JUN: variants seen among roughly 807,000 people sequenced by gnomAD.
JUN encodes transcription factor Jun.
In JUN, 7 loss-of-function variants were observed where a neutral mutation model predicts 19.7. That is an observed-to-expected ratio of 0.36 (90% CI 0.20 to 0.67). JUN has a LOEUF of 0.67. JUN is among the 30% of genes least tolerant of loss of function. The probability of loss-of-function intolerance (pLI) is 0.64; values close to 1 mark genes in which losing one functional copy is unlikely to be tolerated. For synonymous variants in JUN, 246 were observed against 206.9 expected, an observed-to-expected ratio of 1.19 and a Z score of -1.62; for missense variants, 373 against 451.0, an observed-to-expected ratio of 0.83 and a Z score of 1.57.
In JUN at chr1:58,783,164, C is replaced by A. The variant is rs1462249434; in HGVS notation, c.-94G>T. 8.6e-6 allele frequency: 13 copies of A among 1,511,716 alleles called. No homozygotes were observed. Among genetic ancestry groups the A allele is most frequent in the South Asian group, 2.6e-5 (2 of 75,622 alleles). 93.6% of individuals were successfully genotyped at this position (1,511,716 alleles called of 1,614,324 possible). A position where few individuals can be genotyped will look rare whatever the true frequency, so the allele number is the denominator to read the frequency against. The stretch of plus-strand genomic sequence containing the variant: ...CTGTGGCAAGCGGGGGACACCCGCG[C>A]CCCCCGGAGCCTTTGACAGGGAAAG... On this transcript the variant is annotated 5_prime_UTR_variant, in exon 1 of 1. Transcript: ENST00000371222.
In JUN at chr1:58,782,177, G is replaced by A; in HGVS notation, c.894C>T (p.Ala298=). ...GTGCCACCTGTTCCCTGAGCATGTT[G>A]GCCGTGGACGCCAGCTCCGAGTTCT... The part of the protein sequence containing the change: ...KAQNSELAST[A]NMLREQVAQL... The change falls in exon 1 of 1, where the codon GCC becomes GCT. Residue 298 remains alanine, a synonymous_variant. Transcript: ENST00000371222. The surrounding 1 kb of genome is among the most constrained non-coding windows in gnomAD (Gnocchi z 8.7). 1.9e-6 allele frequency: 3 copies of A among 1,614,238 alleles called. No individual in the cohort carries two copies. The highest frequency in any genetic ancestry group is 2.5e-6 in the Non-Finnish European group (3 of 1,180,044).
chr1:58,782,513 C>A lies in JUN; in HGVS notation c.558G>T (p.Gly186=), dbSNP rs1471035446. ...FNPGALSSGG[G]APSYGAAGLA... The stretch of plus-strand genomic sequence containing the variant: ...GGCCGGCCGCGCCGTAGGAGGGCGC[C>A]CCGCCGCCGCTGCTCAGCGCGCCTG... Residue 186 remains glycine (G), a synonymous_variant, in exon 1 of 1, where the codon GGG becomes GGT. Transcript: ENST00000371222. The surrounding 1 kb of genome is among the most constrained non-coding windows in gnomAD (Gnocchi z 8.7). The A allele has an allele frequency of 6.4e-7, 1 of 1,570,980 alleles. No homozygotes were observed. Among genetic ancestry groups the A allele is most frequent in the Admixed American group, 1.8e-5 (1 of 54,602 alleles).
rs758352138 is a variant in JUN at position 58,782,033 on chromosome 1, A to AT, written c.*41dup. On this transcript the variant is annotated 3_prime_UTR_variant, in exon 1 of 1. Transcript: ENST00000371222. This position sits in a 1 kb window ranked among gnomAD's most constrained non-coding sequence, Gnocchi z 8.7. ...GTTCTCAAGTCTGTCTCTCTGTGTT[A>AT]TTTTTTTTCTTCGTTGCCCCTCAGC... The AT allele has an allele frequency of 4.3e-5, 63 of 1,469,626 alleles. No homozygotes were observed. In the Middle Eastern group the frequency reaches 5.2e-4, roughly 12 times the overall value. The allele number at this position is 1,469,626 out of a possible 1,614,324, so 91.0% of individuals were successfully genotyped here.
rs2100737615 is a variant in JUN, at chr1:58,781,063, C to T, written c.*1012G>A. 1 of 233,224 alleles carries T rather than the reference C, an allele frequency of 4.3e-6. No individual in the cohort carries two copies. Among genetic ancestry groups the T allele is most frequent in the Non-Finnish European group, 8.5e-6 (1 of 118,032 alleles). The allele number at this position is 233,224 out of a possible 1,614,324, so 14.4% of individuals were successfully genotyped here. On this transcript the variant is annotated 3_prime_UTR_variant, in exon 1 of 1. Coordinates refer to ENST00000371222, the MANE Select transcript of JUN (RefSeq NM_002228.4). ...GGGCTGTCCCTCTCCACTGCAACCC[C>T]CCTTCCTCCAGCCTCCTGAAACATC...
At position 58,783,287 on chromosome 1, in the gene JUN, G is replaced by A. The variant is rs568936020; in HGVS notation, c.-217C>T. ...CGCAGGGTTAATTAAGATGCCTCCCGCACTCTTACTTGTCGACTCGCGCGC... is the reference window on the plus strand; with the variant it reads ...CGCAGGGTTAATTAAGATGCCTCCCACACTCTTACTTGTCGACTCGCGCGC... On this transcript the variant is annotated 5_prime_UTR_variant, in exon 1 of 1. Coordinates refer to ENST00000371222, the MANE Select transcript of JUN (RefSeq NM_002228.4). 8.2e-6 allele frequency: 5 copies of A among 607,950 alleles called. No individual in the cohort carries two copies. The highest frequency in any genetic ancestry group is 4.8e-4 in the Middle Eastern group (1 of 2,100). 37.7% of individuals were successfully genotyped at this position (607,950 alleles called of 1,614,324 possible).
Position 58,782,324 on chromosome 1 carries a change from G to A in JUN, c.747C>T (p.Ser249=), listed in dbSNP as rs143833620. The stretch of plus-strand genomic sequence containing the variant: ...TCCTCTCCGCCTTGATCCGCTCCTG[G>A]GACTCCATGTCGATGGGGGACAGGG... The part of the protein sequence containing the change: ...TPPLSPIDME[S]QERIKAERKR... The change falls in exon 1 of 1, where the codon TCC becomes TCT. Residue 249 remains serine, a synonymous_variant. Transcript: ENST00000371222. This position sits in a 1 kb window ranked among gnomAD's most constrained non-coding sequence, Gnocchi z 8.7. The A allele has an allele frequency of 7.4e-6, 12 of 1,614,114 alleles. No individual in the cohort carries two copies. The African/African-American group carries it at 1.3e-4, about 18-fold the overall frequency.
Position 58,782,246 on chromosome 1 carries a change from C to G in JUN, c.825G>C (p.Glu275Asp). Residue 275 changes from glutamate (E) to aspartate (D), a missense_variant, in exon 1 of 1, where the codon GAG (glutamate) becomes GAC (aspartate). By Grantham distance (45) the Glu-to-Asp change is conservative. This residue lies in a region of JUN where 83 missense variants were observed against 143.0 expected (regional missense o/e 0.58). Transcript: ENST00000371222. The surrounding 1 kb of genome is among the most constrained non-coding windows in gnomAD (Gnocchi z 8.7). Reference sequence around the variant, plus strand: ...CTTTTTCCTCCAGCCGGGCGATTCTCTCCAGCTTCCTTTTTCGGCACTTGG... The same window carrying G: ...CTTTTTCCTCCAGCCGGGCGATTCTGTCCAGCTTCCTTTTTCGGCACTTGG... ...AASKCRKRKL[E>D]RIARLEEKVK... 1 of 1,614,262 alleles carries G rather than the reference C, an allele frequency of 6.2e-7. No homozygotes were observed. The highest frequency in any genetic ancestry group is 8.5e-7 in the Non-Finnish European group (1 of 1,180,038).
Position 58,782,103 on chromosome 1 carries a change from A to T in JUN, c.968T>A (p.Met323Lys). The T allele has an allele frequency of 1.2e-6, 2 of 1,613,434 alleles. No individual in the cohort carries two copies. The highest frequency in any genetic ancestry group is 1.7e-6 in the Non-Finnish European group (2 of 1,179,426). Residue 323 changes from methionine (M) to lysine (K), a missense_variant, in exon 1 of 1, where the codon ATG becomes AAG. Met to Lys is a moderately conservative substitution (Grantham distance 95). This residue lies in a region of JUN where 83 missense variants were observed against 143.0 expected (regional missense o/e 0.58). Transcript: ENST00000371222. This position sits in a 1 kb window ranked among gnomAD's most constrained non-coding sequence, Gnocchi z 8.7. ...AAATGTTTGCAACTGCTGCGTTAGCATGAGTTGGCACCCACTGTTAACGTG... is the reference window on the plus strand; with the variant it reads ...AAATGTTTGCAACTGCTGCGTTAGCTTGAGTTGGCACCCACTGTTAACGTG... Reference protein sequence around the residue: ...MNHVNSGCQLMLTQQLQTF With the variant: ...MNHVNSGCQLKLTQQLQTF
rs2100739005 is a variant in JUN at position 58,782,404 on chromosome 1, G to A, written c.667C>T (p.Gln223Ter). The A allele has an allele frequency of 6.2e-7, 1 of 1,610,432 alleles. No homozygotes were observed. Among genetic ancestry groups the A allele is most frequent in the Non-Finnish European group, 8.5e-7 (1 of 1,178,174 alleles). ...GTCTGAGGCTCCTCCTTCAGGGCCT[G>A]CAGCCGCGGGTGCTGCACGGGCATC... ...QQMPVQHPRL[Q>*]ALKEEPQTVP... Residue 223 changes from glutamine to a stop codon, truncating the protein, a stop_gained, in exon 1 of 1, where the codon CAG becomes TAG. Coordinates refer to ENST00000371222, the MANE Select transcript of JUN (RefSeq NM_002228.4). LOFTEE classifies it high-confidence loss of function. The surrounding 1 kb of genome is among the most constrained non-coding windows in gnomAD (Gnocchi z 8.7).
Position 58,782,477 on chromosome 1 carries a change from G to A in JUN, c.594C>T (p.Pro198=), listed in dbSNP as rs528518038. The A allele has an allele frequency of 3.8e-6, 6 of 1,585,832 alleles. No individual in the cohort carries two copies. The African/African-American group carries it at 6.7e-5, about 18-fold the overall frequency. ...PSYGAAGLAF[P]AQPQQQQQPP... ...GCTGCTGCTGCTGCTGGGGTTGCGC[G>A]GGAAAGGCCAGGCCGGCCGCGCCGT... The change falls in exon 1 of 1, where the codon CCC becomes CCT. Residue 198 remains proline (P), a synonymous_variant. Coordinates refer to ENST00000371222, the MANE Select transcript of JUN (RefSeq NM_002228.4). The surrounding 1 kb of genome is among the most constrained non-coding windows in gnomAD (Gnocchi z 8.7).
Position 58,781,847 on chromosome 1 carries a change from C to A in JUN, c.*228G>T, listed in dbSNP as rs4647015. 363 of 559,350 alleles carry A rather than the reference C, an allele frequency of 6.5e-4. No homozygotes were observed. In the African/African-American group the frequency reaches 6.5e-3, roughly 10 times the overall value. The allele number at this position is 559,350 out of a possible 1,614,324, so 34.6% of individuals were successfully genotyped here. On this transcript the variant is annotated 3_prime_UTR_variant, in exon 1 of 1. Coordinates refer to ENST00000371222, the MANE Select transcript of JUN (RefSeq NM_002228.4). ...AGCCCGTCCGCAAAGCGGGGCAGCCCGCAGGCGGCCGCTCCCTGGCTCCAC... is the reference window on the plus strand; with the variant it reads ...AGCCCGTCCGCAAAGCGGGGCAGCCAGCAGGCGGCCGCTCCCTGGCTCCAC...
chr1:58,783,265 A>G lies in JUN; in HGVS notation c.-195T>C. ...CTCACCAGCTCGCTCCAGGGAGCGC[A>G]GGGTTAATTAAGATGCCTCCCGCAC... On this transcript the variant is annotated 5_prime_UTR_variant, in exon 1 of 1. Coordinates refer to ENST00000371222, the MANE Select transcript of JUN (RefSeq NM_002228.4). 1.3e-6 allele frequency: 1 copy of G among 761,620 alleles called. No homozygotes were observed. Among genetic ancestry groups the G allele is most frequent in the Non-Finnish European group, 2.1e-6 (1 of 482,548 alleles). 47.2% of individuals were successfully genotyped at this position (761,620 alleles called of 1,614,324 possible).
chr1:58,782,441 G>T lies in JUN; in HGVS notation c.630C>A (p.His210Gln). The change falls in exon 1 of 1, where the codon CAC becomes CAA. Residue 210 changes from histidine (H) to glutamine (Q), a missense_variant. Coordinates refer to ENST00000371222, the MANE Select transcript of JUN (RefSeq NM_002228.4). This position sits in a 1 kb window ranked among gnomAD's most constrained non-coding sequence, Gnocchi z 8.7. ...QPQQQQQPPH[H>Q]LPQQMPVQHP... ...GCTGCACGGGCATCTGCTGGGGCAG[G>T]TGGTGCGGCGGCTGCTGCTGCTGCT... 1 of 1,601,900 alleles carries T rather than the reference G, an allele frequency of 6.2e-7. No homozygotes were observed. The highest frequency in any genetic ancestry group is 8.5e-7 in the Non-Finnish European group (1 of 1,175,666).
Position 58,782,978 on chromosome 1 carries a change from G to T in JUN, c.93C>A (p.Pro31=), listed in dbSNP as rs1645588779. 1 of 1,614,234 alleles carries T rather than the reference G, an allele frequency of 6.2e-7. No individual in the cohort carries two copies. The highest frequency in any genetic ancestry group is 8.5e-7 in the Non-Finnish European group (1 of 1,180,048). Residue 31 remains proline, a synonymous_variant, in exon 1 of 1, where the codon CCC becomes CCA. Coordinates refer to ENST00000371222, the MANE Select transcript of JUN (RefSeq NM_002228.4). This position sits in a 1 kb window ranked among gnomAD's most constrained non-coding sequence, Gnocchi z 8.7. ...SESGPYGYSN[P]KILKQSMTLN... is the part of the protein sequence containing the mutation. ...GGGTCATGCTCTGTTTCAGGATCTTGGGGTTACTGTAGCCATAAGGTCCGC... is the reference window on the plus strand; with the variant it reads ...GGGTCATGCTCTGTTTCAGGATCTTTGGGTTACTGTAGCCATAAGGTCCGC...
In JUN at chr1:58,781,952, T is replaced by C. The variant is rs534823249; in HGVS notation, c.*123A>G. ...AGGACGCAACCCAGTCCAACTTGGA[T>C]ACCCTTGGCTTTAGTTCTCGGACAC... On this transcript the variant is annotated 3_prime_UTR_variant, in exon 1 of 1. Transcript: ENST00000371222. 2.3e-6 allele frequency: 2 copies of C among 851,360 alleles called. No individual in the cohort carries two copies. Among genetic ancestry groups the C allele is most frequent in the African/African-American group, 1.7e-5 (1 of 58,968 alleles). The allele number at this position is 851,360 out of a possible 1,614,324, so 52.7% of individuals were successfully genotyped here. A position where few individuals can be genotyped will look rare whatever the true frequency, so the allele number is the denominator to read the frequency against.
At position 58,783,775 on chromosome 1, in the gene JUN, G is replaced by T. The variant is rs1349726844; in HGVS notation, c.-705C>A. 1 of 248,044 alleles carries T rather than the reference G, an allele frequency of 4.0e-6. No homozygotes were observed. Among genetic ancestry groups the T allele is most frequent in the Non-Finnish European group, 8.5e-6 (1 of 118,068 alleles). The allele number at this position is 248,044 out of a possible 1,614,324, so 15.4% of individuals were successfully genotyped here. On this transcript the variant is annotated 5_prime_UTR_variant, in exon 1 of 1. Transcript: ENST00000371222. ...TTCCCCCGGCGGGCGCGTGGGTACC[G>T]CTGCTTTCCGCCGCTGTCAACAGCG...
In JUN at chr1:58,782,035, T is replaced by G; in HGVS notation, c.*40A>C. 1 of 1,497,462 alleles carries G rather than the reference T, an allele frequency of 6.7e-7. No homozygotes were observed. The highest frequency in any genetic ancestry group is 9.2e-7 in the Non-Finnish European group (1 of 1,083,738). The allele number at this position is 1,497,462 out of a possible 1,614,324, so 92.8% of individuals were successfully genotyped here. On this transcript the variant is annotated 3_prime_UTR_variant, in exon 1 of 1. Transcript: ENST00000371222. This position sits in a 1 kb window ranked among gnomAD's most constrained non-coding sequence, Gnocchi z 8.7. ...TCTCAAGTCTGTCTCTCTGTGTTATTTTTTTTCTTCGTTGCCCCTCAGCCC... is the reference window on the plus strand; with the variant it reads ...TCTCAAGTCTGTCTCTCTGTGTTATGTTTTTTCTTCGTTGCCCCTCAGCCC...
chr1:58,782,490 C>A lies in JUN; in HGVS notation c.581G>T (p.Gly194Val). 1.3e-6 allele frequency: 2 copies of A among 1,574,652 alleles called. No homozygotes were observed. The highest frequency in any genetic ancestry group is 1.7e-6 in the Non-Finnish European group (2 of 1,166,398). ...GGGAPSYGAA[G>V]LAFPAQPQQQ... ...CTGGGGTTGCGCGGGAAAGGCCAGG[C>A]CGGCCGCGCCGTAGGAGGGCGCCCC... Residue 194 changes from glycine (G) to valine (V), a missense_variant, in exon 1 of 1, where the codon GGC becomes GTC. Gly to Val is a moderately radical substitution (Grantham distance 109). This residue lies in a region of JUN where 173 missense variants were observed against 154.5 expected (regional missense o/e 1.12). Transcript: ENST00000371222. This position sits in a 1 kb window ranked among gnomAD's most constrained non-coding sequence, Gnocchi z 8.7.
In JUN at chr1:58,782,615, C is replaced by T. The variant is rs1273910142; in HGVS notation, c.456G>A (p.Gly152=). 1.3e-6 allele frequency: 2 copies of T among 1,594,088 alleles called. No homozygotes were observed. The highest frequency in any genetic ancestry group is 1.7e-6 in the Non-Finnish European group (2 of 1,177,304). The change falls in exon 1 of 1, where the codon GGG becomes GGA. Residue 152 remains glycine, a synonymous_variant. Transcript: ENST00000371222. This position sits in a 1 kb window ranked among gnomAD's most constrained non-coding sequence, Gnocchi z 8.7. ...MVAPAVASVA[G]GSGSGGFSAS... ...CGCTGAAGCCGCCGCTGCCGCTGCC[C>T]CCTGCCACCGAGGCTACCGCGGGAG...
Sources: gnomAD v4.1 joint callset for allele counts on GRCh38, gnomAD v4.1.1 for gene constraint, gnomAD v4.1.1 regional missense constraint, Gnocchi (gnomAD v3.1) non-coding constraint, MANE v1.5 for transcripts, NCBI Gene and HGNC (gene_info 2026-07-23, HGNC 2026-07-21) for gene names.